Variants in SLIT3 observed in about 807,000 individuals in gnomAD.
The protein encoded by SLIT3 is slit guidance ligand 3.
A neutral mutation model predicts 184.0 loss-of-function variants in SLIT3; 68 were observed. That is an observed-to-expected ratio of 0.37 (90% CI 0.30 to 0.45). The LOEUF (loss-of-function observed/expected upper bound fraction) is 0.45, where lower values mean the gene tolerates loss of function less well. Ranked by LOEUF, SLIT3 falls within the 20% of genes least tolerant of loss-of-function variation. The probability of loss-of-function intolerance (pLI) is 1.00; values close to 1 mark genes in which losing one functional copy is unlikely to be tolerated. For missense variants in SLIT3, 1,707 were observed against 2,026.0 expected (o/e 0.84, Z 3.02); for synonymous variants, 831 against 828.6 (o/e 1.00, Z -0.05).
intron 4 of SLIT3, chr5:169,012,855 G>A (rs766360785): frequency 2.6e-5 from 4 of 152,176 alleles, no homozygotes; most frequent in Non-Finnish European, 4.4e-5. Flanking sequence ...GATGAACCCC[G>A]GCCATTACCT....
At chr5:168,814,980 C>A (rs542335134) in intron 8 of SLIT3, among the ~76,000 whole-genome samples, 108 of 152,288 alleles carry the variant, frequency 7.1e-4, no homozygotes, top group African/African-American at 2.6e-3. Flanking sequence ...CTTAAAGAAT[C>A]CCTCATGCAT....
intron 4 of SLIT3, among the ~76,000 whole-genome samples, chr5:168,956,655 G>A (rs765253472): frequency 5.3e-5 from 8 of 151,764 alleles, no homozygotes; most frequent in Non-Finnish European, 1.0e-4. Context: ...TTAGCTGGCC[G>A]TGGTGGCGGG....
chr5:168,955,069 C>T (rs1468691984), intron 4 of SLIT3, among the ~76,000 whole-genome samples: 4 of 141,344 alleles, frequency 2.8e-5, no homozygotes, highest in Non-Finnish European at 4.6e-5. Context: ...CCTAGAGGCA[C>T]TCCTGGCCTT....
rs1279982447 is a variant in SLIT3 at position 168,806,460 on chromosome 5, C to T, written c.921G>A (p.Glu307=). 4.3e-6 allele frequency: 7 copies of T among 1,614,114 alleles called. No individual in the cohort carries two copies. Among genetic ancestry groups the T allele is most frequent in the Non-Finnish European group, 5.1e-6 (6 of 1,180,046 alleles). Residue 307 remains glutamate, a synonymous_variant, in exon 9 of 36, where the codon GAG becomes GAA. Coordinates refer to ENST00000519560, the MANE Select transcript of SLIT3 (RefSeq NM_003062.4). ...GGTGCACTTACATTTCGACGATGCC[C>T]TCCGGCAAGTTGGCAGGAATCTCCA... is the stretch of plus-strand genomic sequence containing the variant. ...GLMEIPANLP[E]GIVEIRLEQN... is the part of the protein sequence containing the mutation.
At chr5:169,018,764 A>C (rs1367530407) in intron 4 of SLIT3, 1 of 152,214 alleles carries the variant, frequency 6.6e-6, no homozygotes, top group Non-Finnish European at 1.5e-5. Context: ...AATATCTCCG[A>C]CAACTCTGGT....
intron 8 of SLIT3, among the ~76,000 whole-genome samples, chr5:168,815,377 T>C (rs1310142510): frequency 2.0e-5 from 3 of 152,200 alleles, no homozygotes; most frequent in South Asian, 2.1e-4. Flanking sequence ...TGTGAGGTCA[T>C]ACACTACATT....
intron 4 of SLIT3, among the ~76,000 whole-genome samples, chr5:169,045,163 T>C (rs17667056): frequency 0.032 from 4,846 of 152,280 alleles, 210 homozygotes; most frequent in East Asian, 0.099. Flanking sequence ...CGACAATGCA[T>C]TCCTGTTGTG....
chr5:169,212,722 A>G (rs1270776379), intron 3 of SLIT3, among the ~76,000 whole-genome samples: 3 of 152,180 alleles, frequency 2.0e-5, no homozygotes, highest in African/African-American at 7.2e-5. Context: ...CATATTGCCT[A>G]AGTTTTCTTG....
intron 14 of SLIT3, chr5:168,772,575 T>C (rs574935504): frequency 5.4e-4 from 310 of 573,502 alleles, no homozygotes; most frequent in African/African-American, 4.4e-3. Context: ...TTTTATTGTG[T>C]GTGTGTGTGT....
At chr5:168,884,547 G>GATATATATATAT (rs1491371300) in intron 4 of SLIT3, among the ~76,000 whole-genome samples, 7 of 9,314 alleles carry the variant, frequency 7.5e-4, no homozygotes, top group African/African-American at 3.6e-3. Context: ...TACCAATTAC[G>GATATATATATAT]AGATATATAT....
chr5:169,251,364 A>C, intron 2 of SLIT3, 24 bp downstream of exon 2: 1 of 1,564,710 alleles, frequency 6.4e-7, no homozygotes, highest in Non-Finnish European at 8.8e-7. Flanking sequence ...ATGAAAACAC[A>C]CTTGAGAGCC....
chr5:169,146,805 C>T (rs763656630), intron 4 of SLIT3, among the ~76,000 whole-genome samples: 1 of 152,226 alleles, frequency 6.6e-6, no homozygotes, highest in Non-Finnish European at 1.5e-5. Context: ...TTTACAAGTA[C>T]ATTTTTAAAT....
At chr5:169,097,645 C>T (rs970694818) in intron 4 of SLIT3, among the ~76,000 whole-genome samples, 4 of 152,178 alleles carry the variant, frequency 2.6e-5, no homozygotes, top group Admixed American at 2.0e-4. Flanking sequence ...ATGATGTCAG[C>T]TTAGCAGCCA....
At chr5:168,777,909 T>A (rs1476175857) in intron 12 of SLIT3, among the ~76,000 whole-genome samples, 1 of 152,240 alleles carries the variant, frequency 6.6e-6, no homozygotes, top group Non-Finnish European at 1.5e-5. Flanking sequence ...CTTAGCTATC[T>A]GGTACATGGA....
At chr5:169,057,533 T>C (rs1758041958) in intron 4 of SLIT3, among the ~76,000 whole-genome samples, 1 of 152,182 alleles carries the variant, frequency 6.6e-6, no homozygotes, top group African/African-American at 2.4e-5. Context: ...GAGGGGGATG[T>C]AGAGGGTGGC....
intron 3 of SLIT3, among the ~76,000 whole-genome samples, chr5:169,243,167 T>A (rs558014246): frequency 6.6e-6 from 1 of 152,318 alleles, no homozygotes; most frequent in African/African-American, 2.4e-5. Context: ...GTTCCTGGCA[T>A]GTCCAAGGTA....
At chr5:169,045,907 G>A (rs1255522199) in intron 4 of SLIT3, among the ~76,000 whole-genome samples, 7 of 152,174 alleles carry the variant, frequency 4.6e-5, no homozygotes, top group South Asian at 2.1e-4. Flanking sequence ...GCACTTAGAC[G>A]CAGTAACTGA....
At chr5:168,871,872 A>AC (rs1299402572) in intron 5 of SLIT3, among the ~76,000 whole-genome samples, 11 of 152,330 alleles carry the variant, frequency 7.2e-5, no homozygotes, top group Non-Finnish European at 1.6e-4. Context: ...GGTGGTAAGA[A>AC]CCAGGATTTG....
Position 169,300,688 on chromosome 5 carries a change from C to T in SLIT3, c.22G>A (p.Val8Ile). The T allele has an allele frequency of 7.3e-7, 1 of 1,374,712 alleles. No individual in the cohort carries two copies. The highest frequency in any genetic ancestry group is 9.3e-7 in the Non-Finnish European group (1 of 1,072,560). 85.2% of individuals were successfully genotyped at this position (1,374,712 alleles called of 1,614,324 possible). The change falls in exon 1 of 36, where the codon GTC becomes ATC. Residue 8 changes from valine to isoleucine, a missense_variant. By Grantham distance (29) the Val-to-Ile change is conservative. Around this residue, in one of 3 missense-constraint regions of SLIT3, gnomAD observed 1,307 missense variants for 1,511.6 expected, o/e 0.86. Transcript: ENST00000519560. The surrounding 1 kb of genome is among the most constrained non-coding windows in gnomAD (Gnocchi z 4.1). MAPGWAG[V>I]GAAVRARLAL... is the part of the protein sequence containing the mutation. ...AGGCGGGCGCGCACGGCGGCGCCGA[C>T]CCCTGCCCACCCGGGGGCCATGGTG...
Sources: gnomAD v4.1 joint callset for allele counts (sites outside exome capture counted in the v4.1 genomes callset) on GRCh38, gnomAD v4.1.1 for gene constraint, gnomAD v4.1.1 regional missense constraint, Gnocchi (gnomAD v3.1) non-coding constraint, MANE v1.5 for transcripts, NCBI Gene and HGNC (gene_info 2026-07-23, HGNC 2026-07-21) for gene names.